The following SH3GL2 variants were observed in gnomAD, a reference collection of about 807,000 sequenced individuals.
SH3GL2 encodes SH3 domain containing GRB2 like 2, endophilin A1, also known as endophilin-A1.
In SH3GL2, 24 loss-of-function variants were observed where a neutral mutation model predicts 46.0. The observed-to-expected ratio is 0.52, with a 90% CI of 0.38 to 0.73. SH3GL2 has a LOEUF of 0.73. SH3GL2 is among the 30% of genes least tolerant of loss of function. SH3GL2 has a pLI of 0.00. For synonymous variants in SH3GL2, 196 were observed against 147.1 expected (o/e 1.33, Z -2.40); for missense variants, 413 against 424.2 (o/e 0.97, Z 0.23).
intron 1 of SH3GL2, among the ~76,000 whole-genome samples, chr9:17,686,583 T>C (rs1197621781): frequency 5.5e-5 from 8 of 146,402 alleles, no homozygotes; most frequent in African/African-American, 2.0e-4. Flanking sequence ...ATGTGGCACA[T>C]ATACACCATG....
chr9:17,790,961 G>C (rs767362400), intron 6 of SH3GL2, among the ~76,000 whole-genome samples: 1 of 152,170 alleles, frequency 6.6e-6, no homozygotes, highest in Non-Finnish European at 1.5e-5. Flanking sequence ...AGACTCTTTA[G>C]AGCTATATGG....
intron 1 of SH3GL2, among the ~76,000 whole-genome samples, chr9:17,679,415 A>G (rs974444226): frequency 6.6e-6 from 1 of 152,144 alleles, no homozygotes; most frequent in Non-Finnish European, 1.5e-5. Context: ...GAGTTCACTC[A>G]TGATTTGGCT....
chr9:17,755,429 C>T (rs1822960606), intron 2 of SH3GL2, among the ~76,000 whole-genome samples: 2 of 152,088 alleles, frequency 1.3e-5, no homozygotes, highest in South Asian at 2.1e-4. Flanking sequence ...CATCAAGGAC[C>T]TTGGCCTGAA....
intron 1 of SH3GL2, among the ~76,000 whole-genome samples, chr9:17,616,289 A>C (rs932690904): frequency 5.4e-4 from 82 of 152,236 alleles, no homozygotes; most frequent in Non-Finnish European, 1.0e-3. Flanking sequence ...TGTGATACAC[A>C]CAGTGAGTCA....
intron 1 of SH3GL2, among the ~76,000 whole-genome samples, chr9:17,615,279 A>G (rs1389257104): frequency 6.6e-6 from 1 of 152,232 alleles, no homozygotes; most frequent in African/African-American, 2.4e-5. Flanking sequence ...AATCCATATG[A>G]TAGCCTACCT....
intron 1 of SH3GL2, among the ~76,000 whole-genome samples, chr9:17,600,952 C>G (rs140312459): frequency 2.0e-3 from 299 of 152,272 alleles, no homozygotes; most frequent in African/African-American, 6.7e-3. Context: ...GGTAATGGAT[C>G]TCTAAATTTT....
intron 1 of SH3GL2, among the ~76,000 whole-genome samples, chr9:17,679,549 A>G (rs1413379149): frequency 1.3e-5 from 2 of 152,176 alleles, no homozygotes; most frequent in South Asian, 2.1e-4. Flanking sequence ...GGGGTTTTCT[A>G]GATATACAAT....
intron 1 of SH3GL2, among the ~76,000 whole-genome samples, chr9:17,633,901 G>A (rs1355820648): frequency 1.3e-5 from 2 of 152,192 alleles, no homozygotes; most frequent in Admixed American, 6.5e-5. Flanking sequence ...AGTTATGCAA[G>A]TGTGCCTTCA....
intron 1 of SH3GL2, among the ~76,000 whole-genome samples, chr9:17,661,786 GT>G (rs1247462446): frequency 6.6e-6 from 1 of 152,114 alleles, no homozygotes; most frequent in East Asian, 1.9e-4. Context: ...GGAAACTACA[GT>G]CTTTAAAATC....
chr9:17,597,328 C>A (rs1304186739), intron 1 of SH3GL2, among the ~76,000 whole-genome samples: 2 of 152,176 alleles, frequency 1.3e-5, no homozygotes, highest in Admixed American at 1.3e-4. Flanking sequence ...TCAAAGCCAG[C>A]CTGACCAACA....
chr9:17,673,811 A>T (rs1336759043), intron 1 of SH3GL2, among the ~76,000 whole-genome samples: 3 of 152,112 alleles, frequency 2.0e-5, no homozygotes, highest in Non-Finnish European at 4.4e-5. Context: ...TGCTTTCAAG[A>T]CTTTGCTCTG....
chr9:17,631,692 A>G (rs1019379037), intron 1 of SH3GL2, among the ~76,000 whole-genome samples: 1 of 152,138 alleles, frequency 6.6e-6, no homozygotes, highest in African/African-American at 2.4e-5. Flanking sequence ...GTGGGGCTTT[A>G]AAACATCCTT....
chr9:17,697,501 T>C (rs950379887), intron 1 of SH3GL2, among the ~76,000 whole-genome samples: 6 of 152,032 alleles, frequency 3.9e-5, no homozygotes, highest in Non-Finnish European at 5.9e-5. Flanking sequence ...GTATTACAGG[T>C]GTGAGCCACC....
intron 1 of SH3GL2, among the ~76,000 whole-genome samples, chr9:17,593,931 T>A (rs1171725044): frequency 6.6e-6 from 1 of 152,160 alleles, no homozygotes; most frequent in Non-Finnish European, 1.5e-5. Flanking sequence ...TGATCTCAAC[T>A]TCTTCCTCCT....
intron 1 of SH3GL2, among the ~76,000 whole-genome samples, chr9:17,739,624 A>AG (rs113415143): frequency 3.3e-5 from 5 of 151,910 alleles, no homozygotes; most frequent in Non-Finnish European, 4.4e-5. Context: ...AATGCCAGTT[A>AG]ATTTTATTCA....
chr9:17,736,761 T>A (rs897772182), intron 1 of SH3GL2, among the ~76,000 whole-genome samples: 5 of 152,088 alleles, frequency 3.3e-5, no homozygotes, highest in African/African-American at 1.2e-4. Flanking sequence ...CTTGAATGGA[T>A]GGAAAAAAAC....
chr9:17,756,331 T>C (rs1455521362), intron 2 of SH3GL2, among the ~76,000 whole-genome samples: 1 of 152,166 alleles, frequency 6.6e-6, no homozygotes, highest in Admixed American at 6.5e-5. Flanking sequence ...TTTTTATTTT[T>C]TATTATACTT....
intron 2 of SH3GL2, among the ~76,000 whole-genome samples, chr9:17,759,134 C>T (rs1823094565): frequency 6.6e-6 from 1 of 152,116 alleles, no homozygotes; most frequent in African/African-American, 2.4e-5. Flanking sequence ...CCTTGCTCAC[C>T]TCCCTGTGGG....
intron 3 of SH3GL2, among the ~76,000 whole-genome samples, chr9:17,785,925 C>T (rs73645331): frequency 0.026 from 3,977 of 152,242 alleles, 177 homozygotes; most frequent in African/African-American, 0.092. Context: ...GCCCACTCTG[C>T]AGGAATTTAC....
Sources: gnomAD v4.1 joint callset for allele counts (sites outside exome capture counted in the v4.1 genomes callset) on GRCh38, gnomAD v4.1.1 for gene constraint, MANE v1.5 for transcripts, NCBI Gene and HGNC (gene_info 2026-07-23, HGNC 2026-07-21) for gene names.